Variants in TYW1B observed in about 807,000 individuals in gnomAD.
The protein encoded by TYW1B is S-adenosyl-L-methionine-dependent tRNA 4-demethylwyosine synthase TYW1B.
In TYW1B, 73 loss-of-function variants were observed where a neutral mutation model predicts 86.9. The ratio of observed to expected loss-of-function variants is 0.84; its 90% CI spans 0.70 to 1.02. The LOEUF is 1.02. Ranked by LOEUF, TYW1B falls within the 50% of genes least tolerant of loss-of-function variation. The pLI is 0.00. For synonymous variants in TYW1B, 248 were observed against 292.8 expected (o/e 0.85, Z 1.56); for missense variants, 637 against 827.4 (o/e 0.77, Z 2.82).
chr7:72,604,713 C>A (rs1245250817), intron 13 of TYW1B, among the ~76,000 whole-genome samples: 1 of 152,166 alleles, frequency 6.6e-6, no homozygotes, highest in East Asian at 1.9e-4. Flanking sequence ...AGCTGCTAGG[C>A]TGAAAGCCCA....
At chr7:72,700,405 G>A (rs1399313993) in intron 10 of TYW1B, among the ~76,000 whole-genome samples, 1 of 151,480 alleles carries the variant, frequency 6.6e-6, no homozygotes, top group Non-Finnish European at 1.5e-5. Context: ...TGAATTGACT[G>A]CAGGTGATCC....
At chr7:72,711,138 G>A (rs1433453077) in intron 10 of TYW1B, among the ~76,000 whole-genome samples, 1 of 152,012 alleles carries the variant, frequency 6.6e-6, no homozygotes, top group African/African-American at 2.4e-5. Context: ...TCATACACTG[G>A]GCCCCAGTAA....
At chr7:72,765,876 G>A (rs1460496446) in intron 7 of TYW1B, among the ~76,000 whole-genome samples, 2 of 152,182 alleles carry the variant, frequency 1.3e-5, no homozygotes, top group Non-Finnish European at 2.9e-5. Flanking sequence ...CTACAAACCG[G>A]AAGAAAAAGT....
intron 4 of TYW1B, among the ~76,000 whole-genome samples, chr7:72,810,211 G>A (rs782268487): frequency 3.3e-5 from 5 of 152,214 alleles, no homozygotes; most frequent in African/African-American, 9.6e-5. Flanking sequence ...CCGGGAGCTA[G>A]AAGTTGCAGT....
intron 11 of TYW1B, among the ~76,000 whole-genome samples, chr7:72,680,502 T>C (rs1207948675): frequency 6.6e-6 from 1 of 152,180 alleles, no homozygotes; most frequent in African/African-American, 2.4e-5. Flanking sequence ...CTCAGGCCTT[T>C]TGGCCACAGA....
chr7:72,746,801 G>A (rs1338428561), intron 7 of TYW1B, among the ~76,000 whole-genome samples: 1 of 152,152 alleles, frequency 6.6e-6, no homozygotes, highest in African/African-American at 2.4e-5. Context: ...CCAGAGGTGT[G>A]CGGTCCAAAT....
In TYW1B at chr7:72,740,303, G is replaced by A. The variant is rs577593551; in HGVS notation, c.1082+4181C>T. ...TAATCCTAGCTACTCAGGAGGCTGA[G>A]GCATGAGAATTGCTTGAACCCAGGA... On this transcript the variant is annotated intron_variant, in intron 8 of 13. Coordinates refer to ENST00000620995, the MANE Select transcript of TYW1B (RefSeq NM_001145440.3). 1.2e-3 allele frequency among the ~76,000 whole-genome samples: 176 copies of A among 152,028 alleles called. 1 individual carries two copies. Among genetic ancestry groups the A allele is most frequent in the African/African-American group, 4.0e-3 (165 of 41,476 alleles).
chr7:72,725,889 C>T (rs1187837393), intron 9 of TYW1B, among the ~76,000 whole-genome samples: 5 of 152,120 alleles, frequency 3.3e-5, no homozygotes, highest in African/African-American at 4.8e-5. Flanking sequence ...CCCTCACACA[C>T]GCACACACAT....
At position 72,825,495 on chromosome 7, in the gene TYW1B, G is replaced by A. The variant is rs768708282; in HGVS notation, c.135+1360C>T. ...GGAGTTTGAGAGCAGCCCAGCCAAC[G>A]TGGCAAAACCCCATCTCTACTAAAA... On this transcript the variant is annotated intron_variant, in intron 2 of 13. Coordinates refer to ENST00000620995, the MANE Select transcript of TYW1B (RefSeq NM_001145440.3). Among the ~76,000 whole-genome samples the A allele has an allele frequency of 5.3e-5, 8 of 152,126 alleles. No homozygotes were observed. In the South Asian group the frequency reaches 8.3e-4, roughly 16 times the overall value.
intron 11 of TYW1B, among the ~76,000 whole-genome samples, chr7:72,665,225 C>T (rs868979422): frequency 1.3e-5 from 2 of 152,240 alleles, no homozygotes; most frequent in Non-Finnish European, 2.9e-5. Flanking sequence ...TTCTTGTACA[C>T]ATCTTTGTAC....
chr7:72,578,341 T>G (rs1359459375), intron 13 of TYW1B, among the ~76,000 whole-genome samples: 2 of 152,126 alleles, frequency 1.3e-5, no homozygotes, highest in Non-Finnish European at 2.9e-5. Flanking sequence ...GGTCTCGATC[T>G]CCTGACCTCG....
intron 7 of TYW1B, among the ~76,000 whole-genome samples, chr7:72,746,021 G>A (rs1413259893): frequency 2.0e-5 from 3 of 151,880 alleles, no homozygotes; most frequent in African/African-American, 4.8e-5. Context: ...ATGGCACCAC[G>A]TCCGGCTAGT....
At chr7:72,641,341 C>CA (rs1177923020) in intron 11 of TYW1B, among the ~76,000 whole-genome samples, 15 of 151,464 alleles carry the variant, frequency 9.9e-5, no homozygotes, top group African/African-American at 3.1e-4. Context: ...CAAACTCTTC[C>CA]AAAAAAAATA....
chr7:72,590,453 G>A (rs1191859642), intron 13 of TYW1B, among the ~76,000 whole-genome samples: 1 of 152,162 alleles, frequency 6.6e-6, no homozygotes, highest in Non-Finnish European at 1.5e-5. Context: ...GGACTTCAAG[G>A]GCCAGTGCTT....
intron 5 of TYW1B, among the ~76,000 whole-genome samples, chr7:72,804,431 C>T (rs1360244748): frequency 6.6e-6 from 1 of 152,142 alleles, no homozygotes; most frequent in Non-Finnish European, 1.5e-5. Context: ...AAAACAGCCC[C>T]TCTTAGGCGA....
At chr7:72,602,797 T>G (rs1554433997) in intron 13 of TYW1B, among the ~76,000 whole-genome samples, 1 of 148,966 alleles carries the variant, frequency 6.7e-6, no homozygotes, top group Non-Finnish European at 1.5e-5. Context: ...GAGATAATCC[T>G]GGAGAATCTT....
chr7:72,693,089 G>T (rs1814212517), intron 11 of TYW1B, among the ~76,000 whole-genome samples: 2 of 152,086 alleles, frequency 1.3e-5, no homozygotes, highest in South Asian at 4.1e-4. Flanking sequence ...CCAGGAAACT[G>T]TCATTTTTTT....
At chr7:72,723,645 G>C (rs1204085693) in intron 9 of TYW1B, among the ~76,000 whole-genome samples, 1 of 152,080 alleles carries the variant, frequency 6.6e-6, no homozygotes, top group Non-Finnish European at 1.5e-5. Context: ...TTGGTAGCAT[G>C]TGCCTGTAAT....
At chr7:72,824,150 C>G (rs1202358893) in intron 2 of TYW1B, among the ~76,000 whole-genome samples, 2 of 152,038 alleles carry the variant, frequency 1.3e-5, no homozygotes, top group African/African-American at 4.8e-5. Context: ...TATCTGCACT[C>G]AAGTAGTGAA....
Sources: gnomAD v4.1 joint callset for allele counts (sites outside exome capture counted in the v4.1 genomes callset) on GRCh38, gnomAD v4.1.1 for gene constraint, MANE v1.5 for transcripts, NCBI Gene and HGNC (gene_info 2026-07-23, HGNC 2026-07-21) for gene names.